The following PTPRD variants were observed in gnomAD, a reference collection of about 807,000 sequenced individuals.
PTPRD encodes the protein receptor-type tyrosine-protein phosphatase delta.
In PTPRD, 34 loss-of-function variants were observed where a neutral mutation model predicts 214.5. The ratio of observed to expected loss-of-function variants is 0.16; its 90% CI spans 0.12 to 0.21. PTPRD has a LOEUF of 0.21. Ranked by LOEUF, PTPRD falls within the 10% of genes least tolerant of loss-of-function variation. PTPRD has a pLI of 1.00. For synonymous variants in PTPRD, 1,128 were observed against 845.7 expected, an observed-to-expected ratio of 1.33 and a Z score of -5.79; for missense variants, 2,545 against 2,398.7, an observed-to-expected ratio of 1.06 and a Z score of -1.27.
At chr9:9,602,699 T>C (rs1268193535) in intron 7 of PTPRD, among the ~76,000 whole-genome samples, 1 of 152,092 alleles carries the variant, frequency 6.6e-6, no homozygotes, top group African/African-American at 2.4e-5. Context: ...TTTCACATGT[T>C]GTTTCTCTAG....
chr9:8,523,150 G>C (rs1261325963), intron 19 of PTPRD, among the ~76,000 whole-genome samples: 1 of 152,070 alleles, frequency 6.6e-6, no homozygotes, highest in Non-Finnish European at 1.5e-5. Flanking sequence ...TGGGATTAGG[G>C]GAGAAACTAG....
chr9:9,206,941 T>A (rs2099945228), intron 9 of PTPRD, among the ~76,000 whole-genome samples: 1 of 152,190 alleles, frequency 6.6e-6, no homozygotes, highest in Non-Finnish European at 1.5e-5. Context: ...TCTATCCTAT[T>A]AGTTCTGTCC....
Position 8,634,539 on chromosome 9 carries a change from T to G in PTPRD, c.211-1081A>C, listed in dbSNP as rs192746747. Reference sequence around the variant, plus strand: ...CCACTTCAATCTTTGTGCATTCCATTTTTGTTCAAAATTCACAAAAATATT... The same window carrying G: ...CCACTTCAATCTTTGTGCATTCCATGTTTGTTCAAAATTCACAAAAATATT... On this transcript the variant is annotated intron_variant, in intron 13 of 45. Coordinates refer to ENST00000381196, the MANE Select transcript of PTPRD (RefSeq NM_002839.4). 1.2e-3 allele frequency among the ~76,000 whole-genome samples: 185 copies of G among 152,216 alleles called. 2 individuals carry two copies. Among genetic ancestry groups the G allele is most frequent in the African/African-American group, 4.3e-3 (179 of 41,552 alleles).
At chr9:9,892,039 A>C (rs2073505985) in intron 5 of PTPRD, among the ~76,000 whole-genome samples, 1 of 152,108 alleles carries the variant, frequency 6.6e-6, no homozygotes, top group Admixed American at 6.6e-5. Context: ...ACTAAACTAA[A>C]ATTTACTTTT....
intron 11 of PTPRD, among the ~76,000 whole-genome samples, chr9:8,955,701 T>C (rs762843233): frequency 4.6e-5 from 7 of 151,842 alleles, no homozygotes; most frequent in African/African-American, 7.2e-5. Flanking sequence ...TAAAATTCTT[T>C]GTCACATTTT....
At chr9:9,928,301 A>G (rs1007341049) in intron 5 of PTPRD, among the ~76,000 whole-genome samples, 2 of 152,158 alleles carry the variant, frequency 1.3e-5, no homozygotes, top group Admixed American at 1.3e-4. Flanking sequence ...TTTAAATTTC[A>G]TACCACATTA....
chr9:9,668,962 C>G (rs560896607), intron 7 of PTPRD, among the ~76,000 whole-genome samples: 42 of 152,106 alleles, frequency 2.8e-4, no homozygotes, highest in African/African-American at 9.9e-4. Context: ...TCTTGATTAG[C>G]TACTGTAGTG....
At chr9:9,604,568 T>C (rs1279350117) in intron 7 of PTPRD, among the ~76,000 whole-genome samples, 2 of 152,102 alleles carry the variant, frequency 1.3e-5, no homozygotes, top group Non-Finnish European at 2.9e-5. Context: ...ATTCATTTTG[T>C]TCTACAAAGT....
At chr9:8,936,541 A>G (rs1567115238) in intron 11 of PTPRD, among the ~76,000 whole-genome samples, 1 of 151,736 alleles carries the variant, frequency 6.6e-6, no homozygotes. Flanking sequence ...TGCAGCAACT[A>G]TAATTGGTTT....
intron 7 of PTPRD, among the ~76,000 whole-genome samples, chr9:9,665,872 T>A (rs574555560): frequency 6.6e-6 from 1 of 152,062 alleles, no homozygotes; most frequent in African/African-American, 2.4e-5. Context: ...GTAATTTGAT[T>A]GAAGTGACAT....
In PTPRD at chr9:9,284,984, C is replaced by T. The variant is rs148793851; in HGVS notation, c.-202-101621G>A. Among the ~76,000 whole-genome samples, 301 of 151,808 alleles carry T rather than the reference C, an allele frequency of 2.0e-3. 2 individuals carry two copies. Among genetic ancestry groups the T allele is most frequent in the African/African-American group, 6.7e-3 (277 of 41,494 alleles). Reference sequence around the variant, plus strand: ...TCAAGCTAACATAGAACAATATCTACCAAATATGATTGCTATTATCCTTGG... The same window carrying T: ...TCAAGCTAACATAGAACAATATCTATCAAATATGATTGCTATTATCCTTGG... On this transcript the variant is annotated intron_variant, in intron 9 of 45. Transcript: ENST00000381196.
intron 8 of PTPRD, among the ~76,000 whole-genome samples, chr9:9,491,266 T>C (rs1339250416): frequency 6.6e-6 from 1 of 151,846 alleles, no homozygotes; most frequent in East Asian, 1.9e-4. Context: ...TGAAACACTT[T>C]TGCACCTAAT....
At chr9:9,433,077 A>G (rs2083855599) in intron 8 of PTPRD, among the ~76,000 whole-genome samples, 1 of 152,188 alleles carries the variant, frequency 6.6e-6, no homozygotes, top group South Asian at 2.1e-4. Context: ...CACAAAAGAT[A>G]GGACAAGGTA....
intron 11 of PTPRD, among the ~76,000 whole-genome samples, chr9:8,884,951 G>T (rs2098474711): frequency 6.6e-6 from 1 of 152,138 alleles, no homozygotes; most frequent in South Asian, 2.1e-4. Flanking sequence ...ATTCCAGTGA[G>T]GATGATGTAA....
intron 9 of PTPRD, among the ~76,000 whole-genome samples, chr9:9,395,681 A>C (rs940220238): frequency 6.6e-6 from 1 of 152,114 alleles, no homozygotes; most frequent in Non-Finnish European, 1.5e-5. Flanking sequence ...CAACTTTGGC[A>C]TCTACCCCCT....
intron 9 of PTPRD, among the ~76,000 whole-genome samples, chr9:9,275,795 T>A (rs1057082788): frequency 2.0e-5 from 3 of 151,024 alleles, no homozygotes; most frequent in African/African-American, 7.3e-5. Flanking sequence ...AACAAGTTGC[T>A]TCTGACAACA....
chr9:8,886,166 G>T (rs1393105929), intron 11 of PTPRD, among the ~76,000 whole-genome samples: 1 of 152,182 alleles, frequency 6.6e-6, no homozygotes, highest in African/African-American at 2.4e-5. Flanking sequence ...TCATAAGCCA[G>T]ACATATTGAT....
chr9:8,688,872 C>T (rs551768169), intron 12 of PTPRD, among the ~76,000 whole-genome samples: 2 of 152,250 alleles, frequency 1.3e-5, no homozygotes, highest in African/African-American at 2.4e-5. Context: ...CTCTAAAGTC[C>T]CTTGCAGGCC....
intron 2 of PTPRD, among the ~76,000 whole-genome samples, chr9:10,569,375 A>G (rs978688694): frequency 1.3e-5 from 2 of 152,062 alleles, no homozygotes; most frequent in Non-Finnish European, 1.5e-5. Context: ...CCCGGTTAAC[A>G]TATCTATTTC....
Sources: gnomAD v4.1 joint callset for allele counts (sites outside exome capture counted in the v4.1 genomes callset) on GRCh38, gnomAD v4.1.1 for gene constraint, MANE v1.5 for transcripts, NCBI Gene and HGNC (gene_info 2026-07-23, HGNC 2026-07-21) for gene names.